DGCR8: variants seen among roughly 807,000 people sequenced by gnomAD.
DGCR8 encodes microprocessor complex subunit DGCR8.
In DGCR8, 14 loss-of-function variants were observed where a neutral mutation model predicts 78.5. The observed-to-expected ratio is 0.18, with a 90% CI of 0.12 to 0.28. The LOEUF is 0.28. Ranked by LOEUF, DGCR8 falls within the 10% of genes least tolerant of loss-of-function variation. The pLI, the probability that DGCR8 is intolerant of heterozygous loss-of-function variation, is 1.00. For synonymous variants in DGCR8, 399 were observed against 402.4 expected, an observed-to-expected ratio of 0.99 and a Z score of 0.10; for missense variants, 702 against 1,022.5, an observed-to-expected ratio of 0.69 and a Z score of 4.28.
intron 12 of DGCR8, 99 bp from the exon 13 acceptor site, chr22:20,108,791 G>GCGCCTACCTTGCGAGACCCTGGGCA (rs57382195): frequency 1.4e-6 from 1 of 701,424 alleles, no homozygotes; most frequent in Non-Finnish European, 2.6e-6. Flanking sequence ...GACCCTGGGC[G>GCGCCTACCTTGCGAGACCCTGGGCA]CGCCTGCCTT....
chr22:20,100,939 G>C (rs2049692600), intron 9 of DGCR8: 1 of 637,340 alleles, frequency 1.6e-6, no homozygotes, highest in Admixed American at 6.3e-5. Flanking sequence ...CCCGGCACAG[G>C]ACCCCTCCTC....
chr22:20,090,811 A>G (rs2049548113), intron 5 of DGCR8, among the ~76,000 whole-genome samples: 1 of 152,062 alleles, frequency 6.6e-6, no homozygotes, highest in Non-Finnish European at 1.5e-5. Context: ...GTCTCTGTGA[A>G]CCCACCTGCT....
intron 9 of DGCR8, chr22:20,102,061 A>G (rs1432401958): frequency 3.3e-5 from 32 of 981,842 alleles, no homozygotes; most frequent in Non-Finnish European, 3.7e-5. Context: ...AAATTTAGGT[A>G]TTAGTGACCA....
chr22:20,100,372 A>C (rs2049683110), intron 9 of DGCR8: 1 of 985,244 alleles, frequency 1.0e-6, no homozygotes, highest in Non-Finnish European at 1.2e-6. Context: ...GCCACATTTG[A>C]TTTTATTTCT....
Position 20,110,332 on chromosome 22 carries a change from A to C in DGCR8, c.*224A>C, listed in dbSNP as rs1462749850. On this transcript the variant is annotated 3_prime_UTR_variant, in exon 14 of 14. Coordinates refer to ENST00000351989, the MANE Select transcript of DGCR8 (RefSeq NM_022720.7). ...TCTCCCTGGAAAGCTCCAGGCCTGAATGGATGGACTCAGCGACTGCACCAG... is the reference window on the plus strand; with the variant it reads ...TCTCCCTGGAAAGCTCCAGGCCTGACTGGATGGACTCAGCGACTGCACCAG... 3.7e-6 allele frequency: 2 copies of C among 540,742 alleles called. No homozygotes were observed. Among genetic ancestry groups the C allele is most frequent in the Non-Finnish European group, 6.6e-6 (2 of 304,432 alleles). The allele number at this position is 540,742 out of a possible 1,614,324, so 33.5% of individuals were successfully genotyped here. A position where few individuals can be genotyped will look rare whatever the true frequency, so the allele number is the denominator to read the frequency against.
chr22:20,092,695 ACT>A (rs1356598837), intron 7 of DGCR8, 112 bp from the exon 8 acceptor site: 11 of 848,688 alleles, frequency 1.3e-5, no homozygotes, highest in East Asian at 5.2e-5. Context: ...GCACAGGCCC[ACT>A]CTCTGCAGGG....
chr22:20,082,703 CAG>C (rs1185164262), intron 1 of DGCR8, among the ~76,000 whole-genome samples: 4 of 152,294 alleles, frequency 2.6e-5, no homozygotes, highest in Non-Finnish European at 4.4e-5. Flanking sequence ...TGGTATAAAA[CAG>C]AGGCGGTGTA....
chr22:20,108,873 G>A lies in DGCR8; in HGVS notation c.2125-17G>A, dbSNP rs1369140681. 3 of 1,349,122 alleles carry A rather than the reference G, an allele frequency of 2.2e-6. No individual in the cohort carries two copies. Among genetic ancestry groups the A allele is most frequent in the Non-Finnish European group, 3.2e-6 (3 of 940,614 alleles). The allele number at this position is 1,349,122 out of a possible 1,614,324, so 83.6% of individuals were successfully genotyped here. ...CTACAGCCTGCAGTCCTGAGCGTGA[G>A]GTGCTATACTTCCCAGGAGACATCG... On this transcript the variant is annotated splice_polypyrimidine_tract_variant and intron_variant, in intron 12 of 13. Transcript: ENST00000351989.
At chr22:20,093,967 AAG>A (rs1397570714) in intron 8 of DGCR8, among the ~76,000 whole-genome samples, 1 of 152,160 alleles carries the variant, frequency 6.6e-6, no homozygotes, top group East Asian at 1.9e-4. Flanking sequence ...GATTCTGCCT[AAG>A]AGACTTTTGC....
At chr22:20,094,830 G>A in intron 9 of DGCR8, 35 bp downstream of exon 9, 1 of 1,593,580 alleles carries the variant, frequency 6.3e-7, no homozygotes, top group Non-Finnish European at 8.6e-7. Flanking sequence ...TGGGAGCTGT[G>A]TGTGCAGTGC....
Position 20,091,922 on chromosome 22 carries a change from A to G in DGCR8, c.1558A>G (p.Met520Val). The G allele has an allele frequency of 6.2e-7, 1 of 1,614,172 alleles. No homozygotes were observed. Among genetic ancestry groups the G allele is most frequent in the Non-Finnish European group, 8.5e-7 (1 of 1,180,028 alleles). ...CGAGGTCTGCATCCTGCACGAGTAC[A>G]TGCAGCGTGTCCTCAAGGTCCGCCC... The part of the protein sequence containing the change: ...KSEVCILHEY[M>V]QRVLKVRPVY... The change falls in exon 7 of 14, where the codon ATG becomes GTG. Residue 520 changes from methionine to valine, a missense_variant. Transcript: ENST00000351989.
At position 20,087,620 on chromosome 22, in the gene DGCR8, C is replaced by T. The variant is rs1301146117; in HGVS notation, c.880+299C>T. 6.6e-6 allele frequency among the ~76,000 whole-genome samples: 1 copy of T among 152,070 alleles called. No individual in the cohort carries two copies. Among genetic ancestry groups the T allele is most frequent in the Admixed American group, 6.5e-5 (1 of 15,272 alleles). On this transcript the variant is annotated intron_variant, in intron 3 of 13. Coordinates refer to ENST00000351989, the MANE Select transcript of DGCR8 (RefSeq NM_022720.7). The surrounding 1 kb of genome is among the most constrained non-coding windows in gnomAD (Gnocchi z 4.1). ...GGGGATGTTGGTATATGCCAGGAGC[C>T]AGCATGACCATCAGCTGGAGGGTGT...
At chr22:20,097,118 G>T (rs2049637638) in intron 9 of DGCR8, among the ~76,000 whole-genome samples, 1 of 152,070 alleles carries the variant, frequency 6.6e-6, no homozygotes, top group Admixed American at 6.5e-5. Context: ...AAGCAATATT[G>T]ATCTGTAGTT....
intron 9 of DGCR8, among the ~76,000 whole-genome samples, chr22:20,104,936 C>T (rs920441679): frequency 6.6e-4 from 101 of 152,292 alleles, no homozygotes; most frequent in African/African-American, 2.3e-3. Context: ...CACAGCGAGG[C>T]GTGTGAATCA....
intron 9 of DGCR8, among the ~76,000 whole-genome samples, chr22:20,099,735 C>T (rs79061783): frequency 0.041 from 6,317 of 152,282 alleles, 175 homozygotes; most frequent in South Asian, 0.095. Flanking sequence ...GGTCCTTATT[C>T]GGCCATTCCA....
chr22:20,084,194 C>T (rs1032888990), intron 1 of DGCR8, among the ~76,000 whole-genome samples: 22 of 152,194 alleles, frequency 1.4e-4, no homozygotes, highest in African/African-American at 5.3e-4. Flanking sequence ...GTGTCCCCTT[C>T]GAAGTACATC....
At chr22:20,106,039 T>TG in intron 9 of DGCR8, 138 bp from the exon 10 acceptor site, 1 of 651,238 alleles carries the variant, frequency 1.5e-6, no homozygotes, top group South Asian at 1.8e-5. Context: ...GTGGGTTCCT[T>TG]GCAGAGTTGA....
chr22:20,109,019 G>T lies in DGCR8; in HGVS notation c.2238+16G>T, dbSNP rs760056169. ...TGAGGAAAGGGTGAGTGCCACCCTA[G>T]CGGGAGGGCTGCCGGGCCACGGCCA... is the stretch of plus-strand genomic sequence containing the variant. On this transcript the variant is annotated intron_variant, in intron 13 of 13. Coordinates refer to ENST00000351989, the MANE Select transcript of DGCR8 (RefSeq NM_022720.7). The T allele has an allele frequency of 7.2e-7, 1 of 1,385,276 alleles. No individual in the cohort carries two copies. The highest frequency in any genetic ancestry group is 1.0e-6 in the Non-Finnish European group (1 of 972,414). The allele number at this position is 1,385,276 out of a possible 1,614,324, so 85.8% of individuals were successfully genotyped here. A position where few individuals can be genotyped will look rare whatever the true frequency, so the allele number is the denominator to read the frequency against.
In DGCR8 at chr22:20,111,109, G is replaced by GA. The variant is rs1326448624; in HGVS notation, c.*1001_*1002insA. 2.8e-5 allele frequency: 11 copies of GA among 398,290 alleles called. No homozygotes were observed. Among genetic ancestry groups the GA allele is most frequent in the Non-Finnish European group, 4.0e-5 (9 of 226,080 alleles). 24.7% of individuals were successfully genotyped at this position (398,290 alleles called of 1,614,324 possible). A position where few individuals can be genotyped will look rare whatever the true frequency, so the allele number is the denominator to read the frequency against. Reference sequence around the variant, plus strand: ...TCCAGAGCTGTTGCCTGTGACAGCGGTTTCTCTGGATGTCAAAGGCAGCTG... The same window carrying GA: ...TCCAGAGCTGTTGCCTGTGACAGCGGATTTCTCTGGATGTCAAAGGCAGCTG... On this transcript the variant is annotated 3_prime_UTR_variant, in exon 14 of 14. Transcript: ENST00000351989.
Sources: gnomAD v4.1 joint callset for allele counts (sites outside exome capture counted in the v4.1 genomes callset) on GRCh38, gnomAD v4.1.1 for gene constraint, Gnocchi (gnomAD v3.1) non-coding constraint, MANE v1.5 for transcripts, NCBI Gene and HGNC (gene_info 2026-07-23, HGNC 2026-07-21) for gene names.